Variants in OLFM2 observed in about 807,000 individuals in gnomAD.
OLFM2 encodes noelin-2.
In OLFM2, 20 loss-of-function variants were observed where a neutral mutation model predicts 43.9. The observed-to-expected ratio is 0.46, with a 90% confidence interval of 0.32 to 0.66. The LOEUF is 0.66. Among genes scored for constraint, OLFM2 ranks in the 30% least tolerant of loss-of-function variants. The pLI is 0.04. For synonymous variants in OLFM2, 268 were observed against 278.6 expected, an observed-to-expected ratio of 0.96 and a Z score of 0.38; for missense variants, 416 against 643.6, an observed-to-expected ratio of 0.65 and a Z score of 3.83.
At chr19:9,933,420 T>C (rs1162131638) in intron 1 of OLFM2, among the ~76,000 whole-genome samples, 8 of 152,044 alleles carry the variant, frequency 5.3e-5, no homozygotes, top group African/African-American at 1.9e-4. Context: ...GCATTTTTAG[T>C]AGAGACGGGG....
chr19:9,913,714 G>A (rs2046849399), intron 1 of OLFM2: 1 of 1,064,736 alleles, frequency 9.4e-7, no homozygotes, highest in Non-Finnish European at 1.1e-6. Flanking sequence ...CGCCCCGGGG[G>A]GGCGTGGGGG....
chr19:9,886,745 T>A (rs2046590904), intron 1 of OLFM2, among the ~76,000 whole-genome samples: 1 of 151,382 alleles, frequency 6.6e-6, no homozygotes, highest in Non-Finnish European at 1.5e-5. Flanking sequence ...TTTCTTTTTT[T>A]TAAATCTCAG....
At chr19:9,913,857 C>T (rs989430112) in intron 1 of OLFM2, 20 of 185,016 alleles carry the variant, frequency 1.1e-4, no homozygotes, top group Non-Finnish European at 1.9e-4. Flanking sequence ...CCGCCCCCTC[C>T]CGCGCCTCCG....
chr19:9,860,644 C>A lies in OLFM2; in HGVS notation c.213+1G>T. 6.3e-7 allele frequency: 1 copy of A among 1,580,552 alleles called. No homozygotes were observed. Among genetic ancestry groups the A allele is most frequent in the Non-Finnish European group, 8.6e-7 (1 of 1,162,352 alleles). ...CCCCAGGGTACCTGGAAGGTTCTCA[C>A]CTTCTCCATCAGTTGCCGCAGCTCC... On this transcript the variant is annotated splice_donor_variant, in intron 2 of 5. Transcript: ENST00000264833. LOFTEE classifies it high-confidence loss of function.
At chr19:9,919,566 T>C (rs2086407099) in intron 1 of OLFM2, among the ~76,000 whole-genome samples, 2 of 152,068 alleles carry the variant, frequency 1.3e-5, no homozygotes, top group African/African-American at 4.8e-5. Context: ...CACTGCAACC[T>C]TCCCCTCTGG....
intron 1 of OLFM2, among the ~76,000 whole-genome samples, chr19:9,906,152 C>T (rs1216382141): frequency 6.6e-6 from 1 of 152,174 alleles, no homozygotes; most frequent in East Asian, 1.9e-4. Context: ...CCACAGTCTA[C>T]ACGCCCATGG....
chr19:9,889,701 G>A (rs947438347), intron 1 of OLFM2, among the ~76,000 whole-genome samples: 2 of 152,194 alleles, frequency 1.3e-5, no homozygotes, highest in African/African-American at 4.8e-5. Context: ...ACACGTGTCT[G>A]TGTGTTCGGC....
chr19:9,874,112 A>G lies in OLFM2; in HGVS notation c.64-13318T>C, dbSNP rs1156813323. Reference sequence around the variant, plus strand: ...AGAAATCAACATCCGTGCATCCATTACTATTAACTAAACTCTAGACTTTAT... The same window carrying G: ...AGAAATCAACATCCGTGCATCCATTGCTATTAACTAAACTCTAGACTTTAT... On this transcript the variant is annotated intron_variant, in intron 1 of 5. Transcript: ENST00000264833. Among the ~76,000 whole-genome samples the G allele has an allele frequency of 2.6e-5, 4 of 152,264 alleles. No individual in the cohort carries two copies. In the East Asian group the frequency reaches 7.7e-4, roughly 29 times the overall value.
At chr19:9,913,397 G>A (rs3745578) in intron 1 of OLFM2, 363,942 of 789,638 alleles carry the variant, frequency 0.46, 85,080 homozygotes, top group Admixed American at 0.57. Flanking sequence ...GGGACAGGTG[G>A]GGGCCCCGGG....
At chr19:9,916,856 C>T (rs1411937002) in intron 1 of OLFM2, among the ~76,000 whole-genome samples, 1 of 152,200 alleles carries the variant, frequency 6.6e-6, no homozygotes, top group Non-Finnish European at 1.5e-5. Context: ...TTAGATCATT[C>T]TCACAGTCAG....
At chr19:9,881,586 G>T (rs2046540264) in intron 1 of OLFM2, among the ~76,000 whole-genome samples, 1 of 152,100 alleles carries the variant, frequency 6.6e-6, no homozygotes. Flanking sequence ...CAACCTCTTG[G>T]ACTCAAGGGA....
In OLFM2 at chr19:9,923,690, AAAAAG is replaced by A. The variant is rs776957991; in HGVS notation, c.63+12609_63+12613del. Among the ~76,000 whole-genome samples the A allele has an allele frequency of 4.9e-4, 75 of 152,086 alleles. 1 individual carries two copies. In the South Asian group the frequency reaches 7.5e-3, roughly 15 times the overall value. On this transcript the variant is annotated intron_variant, in intron 1 of 5. Coordinates refer to ENST00000264833, the MANE Select transcript of OLFM2 (RefSeq NM_058164.4). ...AAGAAAAAAGAAAAGAAAAGAAAGA[AAAAAG>A]AAAAGAAAAGAGTGCAGTGGTGGGA... is the stretch of plus-strand genomic sequence containing the variant.
chr19:9,856,261 G>T lies in OLFM2; in HGVS notation c.687+546C>A, dbSNP rs2145428848. 3.3e-5 allele frequency among the ~76,000 whole-genome samples: 5 copies of T among 152,262 alleles called. 1 individual carries two copies. The South Asian group carries it at 1.0e-3, about 32-fold the overall frequency. ...TTACAGGCATGCACCACCATGTCCG[G>T]CTAATTTTGTATTTTTAGTAGAGAC... On this transcript the variant is annotated intron_variant, in intron 5 of 5. Transcript: ENST00000264833. This position sits in a 1 kb window ranked among gnomAD's most constrained non-coding sequence, Gnocchi z 4.0.
chr19:9,919,890 G>C (rs773708319), intron 1 of OLFM2, among the ~76,000 whole-genome samples: 2 of 150,132 alleles, frequency 1.3e-5, no homozygotes, highest in Non-Finnish European at 3.0e-5. Flanking sequence ...TGCCTCCAGG[G>C]TTCAAGTGAT....
intron 1 of OLFM2, among the ~76,000 whole-genome samples, chr19:9,932,468 A>AG (rs1159028796): frequency 7.1e-6 from 1 of 141,790 alleles, no homozygotes; most frequent in Non-Finnish European, 1.5e-5. Flanking sequence ...AAAAAAAAAA[A>AG]AAAGAAAGAA....
At chr19:9,908,752 C>T (rs1347392746) in intron 1 of OLFM2, among the ~76,000 whole-genome samples, 3 of 152,072 alleles carry the variant, frequency 2.0e-5, no homozygotes, top group Non-Finnish European at 4.4e-5. Flanking sequence ...ACTGGGATTA[C>T]AGGTGTGAGC....
intron 1 of OLFM2, among the ~76,000 whole-genome samples, chr19:9,919,261 G>A (rs2086404857): frequency 1.3e-5 from 2 of 151,566 alleles, no homozygotes; most frequent in African/African-American, 4.9e-5. Context: ...CCGCTTCCCA[G>A]GCTCATGCCA....
chr19:9,910,857 G>C (rs1357814465), intron 1 of OLFM2, among the ~76,000 whole-genome samples: 2 of 152,110 alleles, frequency 1.3e-5, no homozygotes, highest in Non-Finnish European at 2.9e-5. Flanking sequence ...AGATGGAATA[G>C]TGGGTGGGTG....
chr19:9,855,642 T>C (rs1230683017), intron 5 of OLFM2, among the ~76,000 whole-genome samples: 1 of 151,828 alleles, frequency 6.6e-6, no homozygotes, highest in Non-Finnish European at 1.5e-5. Flanking sequence ...CAAGCAATCC[T>C]CTCACCTCAG....
Sources: gnomAD v4.1 joint callset for allele counts (sites outside exome capture counted in the v4.1 genomes callset) on GRCh38, gnomAD v4.1.1 for gene constraint, Gnocchi (gnomAD v3.1) non-coding constraint, MANE v1.5 for transcripts, NCBI Gene and HGNC (gene_info 2026-07-23, HGNC 2026-07-21) for gene names.